The following SYCE1L variants were observed in gnomAD, a reference collection of about 807,000 sequenced individuals.
SYCE1L encodes synaptonemal complex central element protein 1-like.
In SYCE1L, 51 loss-of-function variants were observed where a neutral mutation model predicts 39.6. The observed-to-expected ratio is 1.29, with a 90% confidence interval of 1.03 to 1.63. SYCE1L has a LOEUF of 1.63. SYCE1L is among the 40% of genes most tolerant of loss of function. The pLI is 0.00. For missense variants in SYCE1L, 426 were observed against 304.9 expected (o/e 1.40, Z -2.96); for synonymous variants, 147 against 122.4 (o/e 1.20, Z -1.33).
At chr16:77,208,144 C>G in intron 2 of SYCE1L, 66 bp from the exon 3 acceptor site, 4 of 1,460,562 alleles carry the variant, frequency 2.7e-6, no homozygotes, top group Admixed American at 2.1e-5. Flanking sequence ...CAGTGCTTCT[C>G]CGTCTGCCTT....
In SYCE1L at chr16:77,199,655, A is replaced by T. The variant is rs894013950; in HGVS notation, c.61+143A>T. ...AGCCTTTTGTTATTGAAGAAAAACA[A>T]TTTTTTAACCGTTCAGCACAGTGGA... On this transcript the variant is annotated intron_variant, in intron 1 of 10. Transcript: ENST00000378644. 9.9e-6 allele frequency: 7 copies of T among 705,960 alleles called. No individual in the cohort carries two copies. The Admixed American group carries it at 1.5e-4, about 15-fold the overall frequency. 43.7% of individuals were successfully genotyped at this position (705,960 alleles called of 1,614,324 possible).
Position 77,199,500 on chromosome 16 carries a change from G to C in SYCE1L, c.49G>C (p.Glu17Gln). ...PLNVEAPEAT[E>Q]EAEGQAKSLK... ...GAATGTGGAGGCGCCAGAAGCTACTGAGGAGGCTGAAGGTAGTGAGGGCAA... is the reference window on the plus strand; with the variant it reads ...GAATGTGGAGGCGCCAGAAGCTACTCAGGAGGCTGAAGGTAGTGAGGGCAA... Residue 17 changes from glutamate to glutamine, a missense_variant, in exon 1 of 11, where the codon GAG becomes CAG. Coordinates refer to ENST00000378644, the MANE Select transcript of SYCE1L (RefSeq NM_001129979.3). 1 of 1,551,496 alleles carries C rather than the reference G, an allele frequency of 6.4e-7. No homozygotes were observed. Among genetic ancestry groups the C allele is most frequent in the Non-Finnish European group, 8.7e-7 (1 of 1,146,936 alleles).
intron 5 of SYCE1L, 25 bp downstream of exon 5, chr16:77,209,169 C>T (rs1421532853): frequency 6.4e-7 from 1 of 1,551,080 alleles, no homozygotes; most frequent in Non-Finnish European, 8.7e-7. Context: ...CTGTGTCTTC[C>T]TTATTCTACT....
intron 2 of SYCE1L, among the ~76,000 whole-genome samples, chr16:77,207,244 G>T (rs1262091053): frequency 6.6e-6 from 1 of 152,176 alleles, no homozygotes; most frequent in East Asian, 1.9e-4. Flanking sequence ...AGCTGGAGTT[G>T]GTGACCTTGG....
At chr16:77,200,821 G>GAAATATT (rs2054733754) in intron 1 of SYCE1L, 2 of 150,966 alleles carry the variant, frequency 1.3e-5, no homozygotes, top group South Asian at 4.2e-4. Context: ...TATGCCACTA[G>GAAATATT]CATTTTTTTG....
At chr16:77,203,348 G>A (rs1403069161) in intron 1 of SYCE1L, among the ~76,000 whole-genome samples, 2 of 151,602 alleles carry the variant, frequency 1.3e-5, no homozygotes, top group East Asian at 1.9e-4. Context: ...TATTCTACAT[G>A]TGTTTATTAT....
At chr16:77,209,305 C>T (rs1308236478) in intron 5 of SYCE1L, 112 bp from the exon 6 acceptor site, 1 of 1,376,152 alleles carries the variant, frequency 7.3e-7, no homozygotes, top group African/African-American at 1.4e-5. Flanking sequence ...GAGTAAACAC[C>T]CAAGTCCTCA....
At chr16:77,209,306 C>A in intron 5 of SYCE1L, 111 bp from the exon 6 acceptor site, 1 of 1,371,590 alleles carries the variant, frequency 7.3e-7, no homozygotes, top group Non-Finnish European at 1.0e-6. Context: ...AGTAAACACC[C>A]AAGTCCTCAC....
chr16:77,212,914 G>GC lies in SYCE1L; in HGVS notation c.716dup (p.Asp240Ter). On this transcript the variant is annotated frameshift_variant, in exon 11 of 11. Transcript: ENST00000378644. LOFTEE classifies it high-confidence loss of function. ...GGAGGATCCCGAGCCGCCGGTGGCT[G>GC]CCCCTGACGCCCTCTAGGCCAGCAG... The GC allele has an allele frequency of 6.5e-7, 1 of 1,529,716 alleles. No individual in the cohort carries two copies. The highest frequency in any genetic ancestry group is 8.8e-7 in the Non-Finnish European group (1 of 1,139,920). The allele number at this position is 1,529,716 out of a possible 1,614,324, so 94.8% of individuals were successfully genotyped here.
In SYCE1L at chr16:77,209,087, T is replaced by G. The variant is rs1282787221; in HGVS notation, c.257-10T>G. ...TGCCTGGAGGCAGAAAGTGTCATTG[T>G]GTTTTCCAGTGAATGGAGAGAAAGT... On this transcript the variant is annotated splice_polypyrimidine_tract_variant and intron_variant, in intron 4 of 10. Transcript: ENST00000378644. The G allele has an allele frequency of 1.7e-5, 26 of 1,551,594 alleles. No individual in the cohort carries two copies. Among genetic ancestry groups the G allele is most frequent in the Non-Finnish European group, 2.0e-5 (23 of 1,147,010 alleles).
Position 77,209,469 on chromosome 16 carries a change from G to T in SYCE1L, c.357G>T (p.Gln119His). 6.4e-7 allele frequency: 1 copy of T among 1,551,762 alleles called. No homozygotes were observed. The highest frequency in any genetic ancestry group is 8.7e-7 in the Non-Finnish European group (1 of 1,147,010). ...GCCAAGAGAAGGAAAGCGAGGCTCA[G>T]AGGTAAGAGGCCCTGCCTCAGCTCT... ...MHCQEKESEA[Q>H]RLDVRGQLED... Residue 119 changes from glutamine (Q) to histidine (H), a missense_variant and splice_region_variant, in exon 6 of 11, where the codon CAG becomes CAT. Physicochemically the swap from Gln to His is conservative, Grantham distance 24 (BLOSUM62 0). Coordinates refer to ENST00000378644, the MANE Select transcript of SYCE1L (RefSeq NM_001129979.3).
At chr16:77,204,548 C>A (rs1439849698) in intron 1 of SYCE1L, among the ~76,000 whole-genome samples, 2 of 152,134 alleles carry the variant, frequency 1.3e-5, no homozygotes, top group African/African-American at 4.8e-5. Flanking sequence ...TGTAGATGAT[C>A]ATTGTGGCAT....
At chr16:77,208,173 C>G in intron 2 of SYCE1L, 37 bp from the exon 3 acceptor site, 1 of 1,543,152 alleles carries the variant, frequency 6.5e-7, no homozygotes. Flanking sequence ...AGACACCAGT[C>G]TTCTCTGGCT....
rs2054798664 is a variant in SYCE1L, at chr16:77,208,194, T to A, written c.122-16T>A. Reference sequence around the variant, plus strand: ...CAGTCTTCTCTGGCTCACTCTTTCTTCCTTTCTTTCTTCAGAGGGAAGCCT... The same window carrying A: ...CAGTCTTCTCTGGCTCACTCTTTCTACCTTTCTTTCTTCAGAGGGAAGCCT... On this transcript the variant is annotated splice_polypyrimidine_tract_variant and intron_variant, in intron 2 of 10. Coordinates refer to ENST00000378644, the MANE Select transcript of SYCE1L (RefSeq NM_001129979.3). 1 of 1,550,666 alleles carries A rather than the reference T, an allele frequency of 6.4e-7. No individual in the cohort carries two copies. Among genetic ancestry groups the A allele is most frequent in the Non-Finnish European group, 8.7e-7 (1 of 1,146,654 alleles).
rs1342971073 is a variant in SYCE1L, at chr16:77,199,440, C to A, written c.-12C>A. On this transcript the variant is annotated 5_prime_UTR_variant, in exon 1 of 11. Transcript: ENST00000378644. The stretch of plus-strand genomic sequence containing the variant: ...ATCAAGCGAGGCTCGCGCGCAGGCC[C>A]CGCGTTGGAAAATGGCGGGGAAGCT... 3 of 1,551,512 alleles carry A rather than the reference C, an allele frequency of 1.9e-6. No individual in the cohort carries two copies. The highest frequency in any genetic ancestry group is 1.4e-5 in the African/African-American group (1 of 73,132).
chr16:77,212,426 C>G (rs2054831065), intron 9 of SYCE1L, 57 bp downstream of exon 9: 4 of 1,530,090 alleles, frequency 2.6e-6, no homozygotes, highest in African/African-American at 2.8e-5. Context: ...GAGGGGAACC[C>G]GCCCAGGTCC....
chr16:77,208,218 C>G lies in SYCE1L; in HGVS notation c.130C>G (p.Leu44Val). 1 of 1,551,556 alleles carries G rather than the reference C, an allele frequency of 6.4e-7. No individual in the cohort carries two copies. The highest frequency in any genetic ancestry group is 8.7e-7 in the Non-Finnish European group (1 of 1,146,976). Reference sequence around the variant, plus strand: ...TTCCTTTCTTTCTTCAGAGGGAAGCCTGGAGCCACAGATAGAGGACCTGAT... The same window carrying G: ...TTCCTTTCTTTCTTCAGAGGGAAGCGTGGAGCCACAGATAGAGGACCTGAT... The part of the protein sequence containing the change: ...MVIKLQKEGS[L>V]EPQIEDLISR... The change falls in exon 3 of 11, where the codon CTG (leucine) becomes GTG (valine). Residue 44 changes from leucine (L) to valine (V), a missense_variant. Transcript: ENST00000378644.
intron 1 of SYCE1L, among the ~76,000 whole-genome samples, chr16:77,205,745 C>A (rs1043371414): frequency 2.0e-5 from 3 of 152,146 alleles, no homozygotes; most frequent in East Asian, 1.9e-4. Flanking sequence ...GATTCCATCC[C>A]GCTTTTTTGT....
chr16:77,201,435 C>T (rs1597381241), intron 1 of SYCE1L: 2 of 152,290 alleles, frequency 1.3e-5, no homozygotes, highest in African/African-American at 4.8e-5. Context: ...CCCATCAAAT[C>T]GGCTTTATAA....
Sources: allele counts gnomAD v4.1 joint callset (sites outside exome capture counted in the v4.1 genomes callset), GRCh38; gene constraint gnomAD v4.1.1; transcripts MANE v1.5; gene names NCBI Gene and HGNC (gene_info 2026-07-23, HGNC 2026-07-21).